CASC3: variants seen among roughly 807,000 people sequenced by gnomAD.
CASC3 encodes CASC3 exon junction complex subunit.
A neutral mutation model predicts 80.5 loss-of-function variants in CASC3; 30 were observed. The observed-to-expected ratio is 0.37, with a 90% CI of 0.28 to 0.51. The LOEUF (loss-of-function observed/expected upper bound fraction) is 0.51, where lower values mean the gene tolerates loss of function less well. Among genes scored for constraint, CASC3 ranks in the 20% least tolerant of loss-of-function variants. CASC3 has a pLI of 0.94. For missense variants in CASC3, 824 were observed against 922.2 expected, an observed-to-expected ratio of 0.89 and a Z score of 1.38; for synonymous variants, 312 against 333.6, an observed-to-expected ratio of 0.94 and a Z score of 0.70.
At chr17:40,162,275 T>C (rs1433319549) in intron 5 of CASC3, 122 bp downstream of exon 5, 1 of 1,095,732 alleles carries the variant, frequency 9.1e-7, no homozygotes, top group Non-Finnish European at 1.3e-6. Context: ...ATTATCCTTA[T>C]CGTACAAATG....
chr17:40,150,564 A>G (rs1988977596), intron 3 of CASC3, among the ~76,000 whole-genome samples: 1 of 152,066 alleles, frequency 6.6e-6, no homozygotes, highest in Non-Finnish European at 1.5e-5. Context: ...GTAGTGATTG[A>G]AATGAATGAG....
rs1304161321 is a variant in CASC3, at chr17:40,171,997, G to A, written c.*1592G>A. On this transcript the variant is annotated 3_prime_UTR_variant, in exon 14 of 14. Coordinates refer to ENST00000264645, the MANE Select transcript of CASC3 (RefSeq NM_007359.5). ...AGATGTCTCCTCAAGCCTGTGGGCA[G>A]CATGCCCAGATTCCCAGACCTTAAG... 1 of 1,289,842 alleles carries A rather than the reference G, an allele frequency of 7.8e-7. No individual in the cohort carries two copies. The highest frequency in any genetic ancestry group is 1.0e-6 in the Non-Finnish European group (1 of 988,846). The allele number at this position is 1,289,842 out of a possible 1,614,324, so 79.9% of individuals were successfully genotyped here.
intron 3 of CASC3, among the ~76,000 whole-genome samples, chr17:40,150,820 G>C (rs569451302): frequency 1.1e-4 from 17 of 152,212 alleles, no homozygotes; most frequent in Admixed American, 2.6e-4. Context: ...AGATCATCCT[G>C]GCTAACACGG....
intron 5 of CASC3, 115 bp from the exon 6 acceptor site, chr17:40,162,610 A>G: frequency 3.4e-6 from 3 of 893,868 alleles, no homozygotes; most frequent in East Asian, 2.6e-5. Flanking sequence ...TGGGATGATG[A>G]GGAGACTACG....
At position 40,167,557 on chromosome 17, in the gene CASC3, G is replaced by GC; in HGVS notation, c.1602dup (p.Ala535ArgfsTer15). The GC allele has an allele frequency of 6.2e-7, 1 of 1,613,988 alleles. No homozygotes were observed. On this transcript the variant is annotated frameshift_variant, in exon 9 of 14. Transcript: ENST00000264645. LOFTEE classifies it high-confidence loss of function. ...CCCAGCGGCAAAGACCTGTGCCAGA[G>GC]CCCCCCGCCCCTCCAGTGCATATCA...
At chr17:40,161,541 C>T (rs1252699316) in intron 3 of CASC3, among the ~76,000 whole-genome samples, 4 of 151,996 alleles carry the variant, frequency 2.6e-5, no homozygotes, top group South Asian at 2.1e-4. Flanking sequence ...TAGCCAGGCG[C>T]GGTAGTGGGC....
At position 40,166,869 on chromosome 17, in the gene CASC3, AG is replaced by A; in HGVS notation, c.1536+12del. On this transcript the variant is annotated intron_variant, in intron 8 of 13. Transcript: ENST00000264645. ...AACCGGATGGAAGAAATGGTACAGA[AG>A]GGGAAAGGGGTAGATGGGGGAGGGA... is the stretch of plus-strand genomic sequence containing the variant. 2 of 1,603,240 alleles carry A rather than the reference AG, an allele frequency of 1.2e-6. No homozygotes were observed. The highest frequency in any genetic ancestry group is 1.7e-6 in the Non-Finnish European group (2 of 1,174,388).
At position 40,157,358 on chromosome 17, in the gene CASC3, TAAA is replaced by T. The variant is rs200829635; in HGVS notation, c.298-4394_298-4392del. On this transcript the variant is annotated intron_variant, in intron 3 of 13. Transcript: ENST00000264645. ...ACTCCGTCTCAAATAAATAAATAAATAAATAAATAAATTAATTAATTAATTAAT... is the reference window on the plus strand; with the variant it reads ...ACTCCGTCTCAAATAAATAAATAAATTAAATAAATTAATTAATTAATTAAT... Among the ~76,000 whole-genome samples, 1,431 of 147,778 alleles carry T rather than the reference TAAA, an allele frequency of 9.7e-3. 2 individuals carry two copies. The highest frequency in any genetic ancestry group is 0.014 in the Non-Finnish European group (936 of 67,130).
chr17:40,150,935 C>G (rs948731863), intron 3 of CASC3, among the ~76,000 whole-genome samples: 3 of 152,082 alleles, frequency 2.0e-5, no homozygotes, highest in African/African-American at 2.4e-5. Flanking sequence ...ATGGTGTGAA[C>G]CCGGGAGGTG....
intron 3 of CASC3, among the ~76,000 whole-genome samples, chr17:40,148,818 G>T (rs901414991): frequency 6.6e-6 from 1 of 152,140 alleles, no homozygotes; most frequent in African/African-American, 2.4e-5. Flanking sequence ...ACAGCTGTTG[G>T]TGCTTTGTTA....
Position 40,167,856 on chromosome 17 carries a change from T to G in CASC3, c.1658T>G (p.Phe553Cys). The change falls in exon 10 of 14, where the codon TTC becomes TGC. Residue 553 changes from phenylalanine (F) to cysteine (C), a missense_variant. Coordinates refer to ENST00000264645, the MANE Select transcript of CASC3 (RefSeq NM_007359.5). Reference protein sequence around the residue: ...MEGHYYDPLQFQGPIYTHGDS... With the variant: ...MEGHYYDPLQCQGPIYTHGDS... ...CCAATGTGATATCTTACAGTGCAGT[T>G]CCAGGGACCAATCTATACCCATGGT... is the stretch of plus-strand genomic sequence containing the variant. 2.5e-6 allele frequency: 4 copies of G among 1,613,888 alleles called. No individual in the cohort carries two copies. Among genetic ancestry groups the G allele is most frequent in the Non-Finnish European group, 3.4e-6 (4 of 1,179,762 alleles).
chr17:40,147,735 G>A (rs940806523), intron 3 of CASC3, among the ~76,000 whole-genome samples: 2 of 152,206 alleles, frequency 1.3e-5, no homozygotes, highest in Admixed American at 1.3e-4. Flanking sequence ...CAGGAGAAGA[G>A]TTCTGGAAGG....
chr17:40,163,009 C>A, intron 6 of CASC3, 108 bp downstream of exon 6: 1 of 924,532 alleles, frequency 1.1e-6, no homozygotes, highest in Non-Finnish European at 1.7e-6. Context: ...TTGCTTGAGG[C>A]CAGGAGTTCA....
rs534216632 is a variant in CASC3, at chr17:40,145,521, G to A, written c.297+3914G>A. Reference sequence around the variant, plus strand: ...AGCCCAGATAGAGAAGATAGAGAGCGTTTGGGAACTTGGGAGTAATTAGGT... The same window carrying A: ...AGCCCAGATAGAGAAGATAGAGAGCATTTGGGAACTTGGGAGTAATTAGGT... On this transcript the variant is annotated intron_variant, in intron 3 of 13. Coordinates refer to ENST00000264645, the MANE Select transcript of CASC3 (RefSeq NM_007359.5). Among the ~76,000 whole-genome samples the A allele has an allele frequency of 2.6e-5, 4 of 152,064 alleles. No individual in the cohort carries two copies. In the South Asian group the frequency reaches 8.4e-4, roughly 32 times the overall value.
At chr17:40,144,692 A>G (rs1988810437) in intron 3 of CASC3, among the ~76,000 whole-genome samples, 1 of 134,968 alleles carries the variant, frequency 7.4e-6, no homozygotes. Context: ...AAAAAGAGGC[A>G]GGGTCTCACT....
rs140951523 is a variant in CASC3 at position 40,163,869 on chromosome 17, C to A, written c.1174C>A (p.Pro392Thr). 2 of 1,614,034 alleles carry A rather than the reference C, an allele frequency of 1.2e-6. No individual in the cohort carries two copies. Among genetic ancestry groups the A allele is most frequent in the Non-Finnish European group, 8.5e-7 (1 of 1,180,030 alleles). Residue 392 changes from proline (P) to threonine (T), a missense_variant, in exon 7 of 14, where the codon CCA becomes ACA. Pro to Thr is a conservative substitution (Grantham distance 38, BLOSUM62 -1). Transcript: ENST00000264645. Reference sequence around the variant, plus strand: ...ACCAGCTGCTGCTCCTGATGCTGCACCACCACCCCCTGATAGGCCCATTGA... The same window carrying A: ...ACCAGCTGCTGCTCCTGATGCTGCAACACCACCCCCTGATAGGCCCATTGA... ...EPPAAAPDAAPPPPDRPIEKK... is the reference protein window; with the variant it reads ...EPPAAAPDAATPPPDRPIEKK...
At chr17:40,147,867 T>G (rs1988899543) in intron 3 of CASC3, among the ~76,000 whole-genome samples, 1 of 152,168 alleles carries the variant, frequency 6.6e-6, no homozygotes, top group East Asian at 1.9e-4. Flanking sequence ...TCTCATTTCA[T>G]TTTTGAGTTT....
chr17:40,150,761 C>A (rs1324905893), intron 3 of CASC3, among the ~76,000 whole-genome samples: 1 of 152,098 alleles, frequency 6.6e-6, no homozygotes, highest in African/African-American at 2.4e-5. Flanking sequence ...TGCCTTTATC[C>A]CAGCACTTTG....
In CASC3 at chr17:40,170,939, TC is replaced by T; in HGVS notation, c.*536del. 1.0e-6 allele frequency: 1 copy of T among 985,524 alleles called. No individual in the cohort carries two copies. The highest frequency in any genetic ancestry group is 1.2e-6 in the Non-Finnish European group (1 of 829,930). The allele number at this position is 985,524 out of a possible 1,614,324, so 61.0% of individuals were successfully genotyped here. A position where few individuals can be genotyped will look rare whatever the true frequency, so the allele number is the denominator to read the frequency against. ...CCCCTCTGGATTCCCTTTTGACTCT[TC>T]CGTGCATCCCAGATAATGGAGAATG... On this transcript the variant is annotated 3_prime_UTR_variant, in exon 14 of 14. Coordinates refer to ENST00000264645, the MANE Select transcript of CASC3 (RefSeq NM_007359.5).
Sources: gnomAD v4.1 joint callset for allele counts (sites outside exome capture counted in the v4.1 genomes callset) on GRCh38, gnomAD v4.1.1 for gene constraint, MANE v1.5 for transcripts, NCBI Gene and HGNC (gene_info 2026-07-23, HGNC 2026-07-21) for gene names.